SMARCC1: variants seen among roughly 807,000 people sequenced by gnomAD.
SMARCC1 encodes the protein SWI/SNF complex subunit SMARCC1.
In SMARCC1, 43 loss-of-function variants were observed where a neutral mutation model predicts 147.4. That is an observed-to-expected ratio of 0.29 (90% CI 0.23 to 0.38). The LOEUF (loss-of-function observed/expected upper bound fraction) is 0.38. Among genes scored for constraint, SMARCC1 ranks in the 10% least tolerant of loss-of-function variants. The pLI is 1.00. For missense variants in SMARCC1, 1,119 were observed against 1,381.1 expected (o/e 0.81, Z 3.01); for synonymous variants, 495 against 484.4 (o/e 1.02, Z -0.29).
intron 6 of SMARCC1, among the ~76,000 whole-genome samples, chr3:47,722,763 A>C (rs1340819597): frequency 1.3e-5 from 2 of 152,258 alleles, no homozygotes; most frequent in Non-Finnish European, 1.5e-5. Context: ...CAAAAGAGTA[A>C]GGCCAATGCC....
At chr3:47,735,047 G>A (rs909058307) in intron 5 of SMARCC1, among the ~76,000 whole-genome samples, 2 of 152,018 alleles carry the variant, frequency 1.3e-5, no homozygotes, top group African/African-American at 2.4e-5. Context: ...GAGCCACCAC[G>A]CCCGGCCTTC....
Position 47,778,190 on chromosome 3 carries a change from C to CA in SMARCC1, c.195+3412dup, listed in dbSNP as rs762774696. ...TGGGCAGAAGAGCGAGACTCCATCTCAAAAAAAAAAAACAAAAAACAAAAA... is the reference window on the plus strand; with the variant it reads ...TGGGCAGAAGAGCGAGACTCCATCTCAAAAAAAAAAAAACAAAAAACAAAAA... On this transcript the variant is annotated intron_variant, in intron 1 of 27. Coordinates refer to ENST00000254480, the MANE Select transcript of SMARCC1 (RefSeq NM_003074.4). Among the ~76,000 whole-genome samples, 312 of 53,040 alleles carry CA rather than the reference C, an allele frequency of 5.9e-3. 7 individuals carry two copies. The highest frequency in any genetic ancestry group is 0.011 in the African/African-American group (115 of 10,582). The allele number at this position is 53,040 out of a possible 152,430, so 34.8% of individuals were successfully genotyped here. A position where few individuals can be genotyped will look rare whatever the true frequency, so the allele number is the denominator to read the frequency against.
chr3:47,668,334 C>A (rs1314027299), intron 19 of SMARCC1, among the ~76,000 whole-genome samples: 1 of 152,210 alleles, frequency 6.6e-6, no homozygotes, highest in African/African-American at 2.4e-5. Context: ...AGGCCATCAT[C>A]ATCTTGATCT....
rs373439561 is a variant in SMARCC1, at chr3:47,656,125, C to T, written c.2320+5169G>A. Among the ~76,000 whole-genome samples, 17 of 152,070 alleles carry T rather than the reference C, an allele frequency of 1.1e-4. 1 individual carries two copies. Among genetic ancestry groups the T allele is most frequent in the African/African-American group, 3.1e-4 (13 of 41,470 alleles). ...ACTAGGGAGGCTGAGGCAGGAGAAG[C>T]GCTTGAACCTGGGAGGCGGAGGTTG... is the stretch of plus-strand genomic sequence containing the variant. On this transcript the variant is annotated intron_variant, in intron 21 of 27. Coordinates refer to ENST00000254480, the MANE Select transcript of SMARCC1 (RefSeq NM_003074.4).
intron 24 of SMARCC1, among the ~76,000 whole-genome samples, chr3:47,634,036 C>A (rs2032936248): frequency 6.6e-6 from 1 of 152,020 alleles, no homozygotes; most frequent in South Asian, 2.1e-4. Flanking sequence ...GTCACTTAAG[C>A]AAGCATGTAC....
At chr3:47,680,282 T>C (rs796927567) in intron 15 of SMARCC1, 155 bp downstream of exon 15, 2 of 642,570 alleles carry the variant, frequency 3.1e-6, no homozygotes, top group South Asian at 3.4e-5. Flanking sequence ...ATTTCCTGTG[T>C]ACCATGGAAT....
At position 47,586,049 on chromosome 3, in the gene SMARCC1, C is replaced by G. The variant is rs183427616; in HGVS notation, c.*2160G>C. ...TACAAAAACCACATATTATTCCCCC[C>G]CCTCACAAAATCAGGTGGCTGAATT... is the stretch of plus-strand genomic sequence containing the variant. On this transcript the variant is annotated 3_prime_UTR_variant, in exon 28 of 28. Transcript: ENST00000254480. 3 of 152,558 alleles carry G rather than the reference C, an allele frequency of 2.0e-5. No homozygotes were observed. Among genetic ancestry groups the G allele is most frequent in the African/African-American group, 7.2e-5 (3 of 41,436 alleles). 9.5% of individuals were successfully genotyped at this position (152,558 alleles called of 1,614,324 possible).
chr3:47,683,645 G>C (rs2106765815), intron 14 of SMARCC1, among the ~76,000 whole-genome samples: 1 of 151,626 alleles, frequency 6.6e-6, no homozygotes, highest in East Asian at 2.0e-4. Flanking sequence ...CTGAGGTCAG[G>C]AGTTCGAGAC....
intron 5 of SMARCC1, among the ~76,000 whole-genome samples, chr3:47,734,382 T>G (rs1247237653): frequency 6.6e-6 from 1 of 152,202 alleles, no homozygotes. Context: ...AGAGGAAGAA[T>G]GTACTCAATC....
intron 2 of SMARCC1, among the ~76,000 whole-genome samples, chr3:47,747,306 A>T (rs936134154): frequency 6.6e-6 from 1 of 151,458 alleles, no homozygotes; most frequent in Admixed American, 6.6e-5. Flanking sequence ...GCATGGGGGG[A>T]GTGTGCCTGT....
chr3:47,623,134 CTTTTTTTTTTTTTT>C (rs763911271), intron 24 of SMARCC1, among the ~76,000 whole-genome samples: 3 of 67,474 alleles, frequency 4.4e-5, no homozygotes, highest in African/African-American at 1.2e-4. Context: ...CTACACAAGG[CTTTTTTTTTTTTTT>C]TTTTTTTTAA....
At chr3:47,762,601 A>C (rs1473648179) in intron 2 of SMARCC1, among the ~76,000 whole-genome samples, 1 of 152,236 alleles carries the variant, frequency 6.6e-6, no homozygotes, top group African/African-American at 2.4e-5. Flanking sequence ...CCACCAAATC[A>C]CGTAACAATT....
In SMARCC1 at chr3:47,703,039, T is replaced by C. The variant is rs533525116; in HGVS notation, c.1041-1637A>G. Among the ~76,000 whole-genome samples the C allele has an allele frequency of 3.3e-5, 5 of 152,308 alleles. No homozygotes were observed. In the East Asian group the frequency reaches 9.7e-4, roughly 29 times the overall value. Reference sequence around the variant, plus strand: ...CCTTCCCAGGTTCAAGCAATTCTCATGCCTCAGCCTCCCCAGTAGCTGGGA... The same window carrying C: ...CCTTCCCAGGTTCAAGCAATTCTCACGCCTCAGCCTCCCCAGTAGCTGGGA... On this transcript the variant is annotated intron_variant, in intron 10 of 27. Coordinates refer to ENST00000254480, the MANE Select transcript of SMARCC1 (RefSeq NM_003074.4).
At chr3:47,681,194 G>A (rs1313015731) in intron 14 of SMARCC1, among the ~76,000 whole-genome samples, 5 of 152,148 alleles carry the variant, frequency 3.3e-5, no homozygotes, top group Non-Finnish European at 7.3e-5. Context: ...GCAACAAACT[G>A]ATGAAACAAA....
intron 1 of SMARCC1, among the ~76,000 whole-genome samples, chr3:47,773,158 G>A (rs2034935518): frequency 1.3e-5 from 2 of 151,342 alleles, no homozygotes; most frequent in South Asian, 2.1e-4. Flanking sequence ...ACGGAGCTTC[G>A]GTCTTGTCAC....
At position 47,676,802 on chromosome 3, in the gene SMARCC1, A is replaced by G. The variant is rs1305354948; in HGVS notation, c.1572-20T>C. On this transcript the variant is annotated intron_variant, in intron 16 of 27. Coordinates refer to ENST00000254480, the MANE Select transcript of SMARCC1 (RefSeq NM_003074.4). ...TGGACCCTAAAGAATAAAGCTCGGA[A>G]AGTTAAAATCTAAAGAATCAACTTC... is the stretch of plus-strand genomic sequence containing the variant. 2 of 1,608,418 alleles carry G rather than the reference A, an allele frequency of 1.2e-6. No individual in the cohort carries two copies. Among genetic ancestry groups the G allele is most frequent in the African/African-American group, 2.7e-5 (2 of 74,666 alleles).
intron 24 of SMARCC1, among the ~76,000 whole-genome samples, chr3:47,624,707 C>G (rs2032782864): frequency 6.6e-6 from 1 of 152,104 alleles, no homozygotes; most frequent in South Asian, 2.1e-4. Context: ...AAGTCACAGA[C>G]CAAACCTAAG....
At chr3:47,643,666 T>C (rs2033081392) in intron 21 of SMARCC1, among the ~76,000 whole-genome samples, 1 of 152,218 alleles carries the variant, frequency 6.6e-6, no homozygotes, top group African/African-American at 2.4e-5. Context: ...ACATTTATGT[T>C]TGTGATAAAA....
At chr3:47,666,545 T>C (rs530609161) in intron 19 of SMARCC1, among the ~76,000 whole-genome samples, 1 of 151,846 alleles carries the variant, frequency 6.6e-6, no homozygotes, top group African/African-American at 2.4e-5. Context: ...AATCTGACTT[T>C]GCTATGGCTC....
Sources: allele counts gnomAD v4.1 joint callset (sites outside exome capture counted in the v4.1 genomes callset), GRCh38; gene constraint gnomAD v4.1.1; transcripts MANE v1.5; gene names NCBI Gene and HGNC (gene_info 2026-07-23, HGNC 2026-07-21).